ATP13A4: variants seen among roughly 807,000 people sequenced by gnomAD.
The protein encoded by ATP13A4 is ATPase 13A4.
In ATP13A4, 114 loss-of-function variants were observed where a neutral mutation model predicts 142.5. The observed-to-expected ratio is 0.80, with a 90% CI of 0.69 to 0.93. ATP13A4 has a LOEUF of 0.93. Ranked by LOEUF, ATP13A4 falls within the 40% of genes least tolerant of loss-of-function variation. The probability of loss-of-function intolerance (pLI) is 0.00; values close to 1 mark genes in which losing one functional copy is unlikely to be tolerated. For synonymous variants in ATP13A4, 488 were observed against 514.8 expected, an observed-to-expected ratio of 0.95 and a Z score of 0.70; for missense variants, 1,392 against 1,454.0, an observed-to-expected ratio of 0.96 and a Z score of 0.69.
chr3:193,502,432 A>T (rs1407856225), intron 3 of ATP13A4, 61 bp downstream of exon 3: 1 of 1,561,398 alleles, frequency 6.4e-7, no homozygotes, highest in Admixed American at 1.7e-5. Context: ...ATTTAACTAT[A>T]TACTTGAGGG....
chr3:193,562,584 C>G (rs976563322), intron 2 of ATP13A4, among the ~76,000 whole-genome samples: 22 of 152,128 alleles, frequency 1.4e-4, no homozygotes, highest in African/African-American at 4.6e-4. Context: ...TAGAATCATA[C>G]TGGTCAGCTG....
chr3:193,515,714 G>C (rs1721373747), intron 1 of ATP13A4, among the ~76,000 whole-genome samples: 1 of 152,132 alleles, frequency 6.6e-6, no homozygotes, highest in South Asian at 2.1e-4. Flanking sequence ...TTCCTTCCAA[G>C]GAAATCCTGA....
chr3:193,410,635 C>T (rs1055457810), intron 28 of ATP13A4, among the ~76,000 whole-genome samples: 2 of 152,120 alleles, frequency 1.3e-5, no homozygotes, highest in Non-Finnish European at 2.9e-5. Flanking sequence ...GGGAGAATTG[C>T]TTGAGCTCAG....
intron 29 of ATP13A4, among the ~76,000 whole-genome samples, chr3:193,403,534 T>C (rs6444717): frequency 0.9 from 137,543 of 152,268 alleles, 62,187 homozygotes; most frequent in Middle Eastern, 0.92. Flanking sequence ...GCCTACCCTT[T>C]GGAACTACTC....
chr3:193,447,033 C>T (rs766239612), intron 18 of ATP13A4, among the ~76,000 whole-genome samples: 1 of 151,956 alleles, frequency 6.6e-6, no homozygotes, highest in African/African-American at 2.4e-5. Context: ...CATCCAAGGA[C>T]AATACTTCAG....
chr3:193,469,319 A>G (rs12696667), intron 9 of ATP13A4, among the ~76,000 whole-genome samples: 37,423 of 152,108 alleles, frequency 0.25, 4,748 homozygotes, highest in African/African-American at 0.29. Flanking sequence ...AGACAGGACA[A>G]TAAGTTGAGA....
At chr3:193,579,976 C>G (rs1577088837) in intron 2 of ATP13A4, among the ~76,000 whole-genome samples, 2 of 152,164 alleles carry the variant, frequency 1.3e-5, no homozygotes, top group African/African-American at 4.8e-5. Context: ...ATCTACCACA[C>G]ATATCCTTCC....
chr3:193,476,932 C>A (rs935715244), intron 8 of ATP13A4, among the ~76,000 whole-genome samples: 3 of 151,876 alleles, frequency 2.0e-5, no homozygotes, highest in Non-Finnish European at 2.9e-5. Flanking sequence ...ATAATCACAA[C>A]GAAAAAGTCT....
intron 28 of ATP13A4, among the ~76,000 whole-genome samples, chr3:193,409,137 T>C (rs1173506628): frequency 3.3e-5 from 5 of 152,176 alleles, no homozygotes; most frequent in African/African-American, 4.8e-5. Context: ...GTGAACCAAA[T>C]GAATGTGTTC....
At chr3:193,585,491 A>AT (rs35279776) in intron 1 of ATP13A4, among the ~76,000 whole-genome samples, 69,156 of 150,364 alleles carry the variant, frequency 0.46, 16,092 homozygotes, top group African/African-American at 0.51. Context: ...GTTTTTTGCA[A>AT]TTTTTTTTTT....
intron 23 of ATP13A4, among the ~76,000 whole-genome samples, chr3:193,437,103 C>CA (rs1190025956): frequency 0.02 from 1,233 of 62,276 alleles, 21 homozygotes; most frequent in African/African-American, 0.031. Flanking sequence ...GACTCCGTCT[C>CA]AAAAAAAAAA....
At chr3:193,575,666 G>GC (rs1724376714) in intron 2 of ATP13A4, among the ~76,000 whole-genome samples, 1 of 152,152 alleles carries the variant, frequency 6.6e-6, no homozygotes, top group Non-Finnish European at 1.5e-5. Context: ...CCCTGGTGCA[G>GC]TTTTTCTAAT....
At chr3:193,508,302 A>T (rs1176365876) in intron 2 of ATP13A4, among the ~76,000 whole-genome samples, 1 of 152,224 alleles carries the variant, frequency 6.6e-6, no homozygotes, top group Non-Finnish European at 1.5e-5. Flanking sequence ...GGTCAAGAGC[A>T]GTGCTGGGAA....
chr3:193,571,432 C>G (rs917766749), intron 2 of ATP13A4, among the ~76,000 whole-genome samples: 10 of 152,290 alleles, frequency 6.6e-5, no homozygotes, highest in Non-Finnish European at 1.5e-4. Context: ...CTATTCACTC[C>G]TTAACATTGG....
At chr3:193,488,281 A>G (rs1201973733) in intron 7 of ATP13A4, among the ~76,000 whole-genome samples, 1 of 152,184 alleles carries the variant, frequency 6.6e-6, no homozygotes, top group African/African-American at 2.4e-5. Flanking sequence ...AAATAAATAA[A>G]TAAAATTCAA....
At chr3:193,433,735 T>C in intron 25 of ATP13A4, 110 bp downstream of exon 25, 1 of 783,992 alleles carries the variant, frequency 1.3e-6, no homozygotes, top group Non-Finnish European at 2.3e-6. Context: ...AAATTCCAGA[T>C]CATTGCTGCT....
intron 2 of ATP13A4, 22 bp downstream of exon 2, chr3:193,514,676 A>G (rs759951557): frequency 6.2e-7 from 1 of 1,614,090 alleles, no homozygotes; most frequent in South Asian, 1.1e-5. Context: ...GGCACCAGCG[A>G]CATAACCAGG....
chr3:193,504,965 G>A (rs994156235), intron 2 of ATP13A4, among the ~76,000 whole-genome samples: 1 of 151,946 alleles, frequency 6.6e-6, no homozygotes, highest in African/African-American at 2.4e-5. Flanking sequence ...TCTTATTTTA[G>A]GCTTACAATT....
chr3:193,417,893 CG>C (rs1284334430), intron 25 of ATP13A4, among the ~76,000 whole-genome samples: 1 of 146,830 alleles, frequency 6.8e-6, no homozygotes, highest in Admixed American at 7.2e-5. Context: ...GAGGCCAAGG[CG>C]GGCGGATCAC....
Sources: gnomAD v4.1 joint callset for allele counts (sites outside exome capture counted in the v4.1 genomes callset) on GRCh38, gnomAD v4.1.1 for gene constraint, MANE v1.5 for transcripts, NCBI Gene and HGNC (gene_info 2026-07-23, HGNC 2026-07-21) for gene names.